NEO1: variants seen among roughly 807,000 people sequenced by gnomAD.
NEO1 encodes the protein neogenin 1.
Under a neutral mutation model 159.7 loss-of-function variants are expected in NEO1, and 63 were observed. That is an observed-to-expected ratio of 0.39 (90% CI 0.32 to 0.49). The LOEUF is 0.49. Ranked by LOEUF, NEO1 falls within the 20% of genes least tolerant of loss-of-function variation. The pLI is 0.85. For synonymous variants in NEO1, 633 were observed against 662.0 expected, an observed-to-expected ratio of 0.96 and a Z score of 0.67; for missense variants, 1,615 against 1,831.0, an observed-to-expected ratio of 0.88 and a Z score of 2.15.
chr15:73,107,225 T>C (rs905959065), intron 1 of NEO1, among the ~76,000 whole-genome samples: 5 of 152,322 alleles, frequency 3.3e-5, no homozygotes, highest in Non-Finnish European at 7.4e-5. Flanking sequence ...TGCTTTTTCT[T>C]TGTAATACAA....
intron 1 of NEO1, among the ~76,000 whole-genome samples, chr15:73,062,922 G>T (rs2068046081): frequency 6.6e-6 from 1 of 152,162 alleles, no homozygotes; most frequent in Admixed American, 6.5e-5. Flanking sequence ...AGAGATGATA[G>T]TTCAAGTCAT....
intron 7 of NEO1, among the ~76,000 whole-genome samples, chr15:73,200,187 T>A (rs990051254): frequency 1.3e-5 from 2 of 152,236 alleles, no homozygotes; most frequent in Admixed American, 6.5e-5. Context: ...TTTTTGAAGA[T>A]CTTTAATTAT....
rs2030232009 is a variant in NEO1, at chr15:73,126,319, C to T, written c.725-98C>T. 2.6e-6 allele frequency: 3 copies of T among 1,145,684 alleles called. No homozygotes were observed. In the South Asian group the frequency reaches 4.8e-5, roughly 18 times the overall value. 71.0% of individuals were successfully genotyped at this position (1,145,684 alleles called of 1,614,324 possible). A position where few individuals can be genotyped will look rare whatever the true frequency, so the allele number is the denominator to read the frequency against. ...TCCTGGGCTCAAGCAGTCCTCCCTC[C>T]TCGGCCTCCCAAAGTATCGGGATTA... On this transcript the variant is annotated intron_variant, in intron 3 of 28. Transcript: ENST00000261908.
intron 7 of NEO1, among the ~76,000 whole-genome samples, chr15:73,183,383 C>G (rs1190783915): frequency 6.6e-6 from 1 of 152,118 alleles, no homozygotes; most frequent in Non-Finnish European, 1.5e-5. Context: ...GAGGAGGAAC[C>G]CTCCTGTCCC....
intron 5 of NEO1, among the ~76,000 whole-genome samples, chr15:73,158,989 G>A (rs1596194444): frequency 6.6e-6 from 1 of 152,212 alleles, no homozygotes. Flanking sequence ...GTAGCGAGGT[G>A]TGGTAATACA....
chr15:73,180,951 CTCT>C (rs1265533733), intron 7 of NEO1, among the ~76,000 whole-genome samples: 1 of 152,062 alleles, frequency 6.6e-6, no homozygotes, highest in African/African-American at 2.4e-5. Flanking sequence ...TAGATCTGAG[CTCT>C]TCTTTTTTAG....
intron 5 of NEO1, among the ~76,000 whole-genome samples, chr15:73,136,861 A>T (rs2031816423): frequency 6.6e-6 from 1 of 151,470 alleles, no homozygotes; most frequent in Non-Finnish European, 1.5e-5. Flanking sequence ...CCCCCTCAAA[A>T]CTCCCAGATT....
At chr15:73,248,924 C>A in intron 9 of NEO1, 136 bp from the exon 10 acceptor site, 2 of 803,508 alleles carry the variant, frequency 2.5e-6, no homozygotes, top group Non-Finnish European at 3.8e-6. Flanking sequence ...ATTCTAAAAC[C>A]ACTTCAATCA....
chr15:73,151,053 C>G (rs1279941566), intron 5 of NEO1, among the ~76,000 whole-genome samples: 5 of 152,302 alleles, frequency 3.3e-5, no homozygotes, highest in Admixed American at 6.5e-5. Flanking sequence ...CATACCAGTT[C>G]ACATTCCTAC....
chr15:73,298,332 G>T lies in NEO1; in HGVS notation c.3902-16G>T, dbSNP rs765705713. 1.9e-5 allele frequency: 30 copies of T among 1,612,612 alleles called. No homozygotes were observed. Among genetic ancestry groups the T allele is most frequent in the Non-Finnish European group, 2.3e-5 (27 of 1,178,810 alleles). The stretch of plus-strand genomic sequence containing the variant: ...ATGGCAAAAGAAATGCTAACATTTA[G>T]ACTTTCCTGCTGTAGAATCCGTTCG... On this transcript the variant is annotated splice_polypyrimidine_tract_variant and intron_variant, in intron 26 of 28. Transcript: ENST00000261908.
chr15:73,244,160 A>G (rs2039629701), intron 8 of NEO1, among the ~76,000 whole-genome samples, 184 bp from the exon 9 acceptor site: 1 of 152,206 alleles, frequency 6.6e-6, no homozygotes, highest in African/African-American at 2.4e-5. Context: ...TTTGTCAGAT[A>G]CGTATGCCCT....
rs149059126 is a variant in NEO1, at chr15:73,065,580, T to C, written c.130+12775T>C. On this transcript the variant is annotated intron_variant, in intron 1 of 28. Transcript: ENST00000261908. ...TAAGAAGTCAACTGTCTTATTTTTC[T>C]TCTTTTGTGAGTAATGTGCTTACCT... 6.1e-3 allele frequency among the ~76,000 whole-genome samples: 926 copies of C among 151,298 alleles called. 12 individuals carry two copies. The highest frequency in any genetic ancestry group is 0.021 in the African/African-American group (878 of 41,498).
At chr15:73,232,891 T>G (rs2038983909) in intron 7 of NEO1, among the ~76,000 whole-genome samples, 1 of 152,160 alleles carries the variant, frequency 6.6e-6, no homozygotes, top group South Asian at 2.1e-4. Context: ...GAACAATCAC[T>G]CTAGCAGAGC....
chr15:73,249,473 G>A, intron 10 of NEO1, 110 bp from the exon 11 acceptor site: 1 of 1,199,908 alleles, frequency 8.3e-7, no homozygotes, highest in Non-Finnish European at 1.1e-6. Context: ...TATGTAGAAG[G>A]GATAAAATCT....
chr15:73,170,269 TGTAGGATAAA>T (rs1266285966), intron 5 of NEO1, among the ~76,000 whole-genome samples: 1 of 152,178 alleles, frequency 6.6e-6, no homozygotes, highest in East Asian at 1.9e-4. Context: ...AGACTATGGG[TGTAGGATAAA>T]GTAAATGAGT....
chr15:73,111,029 A>G (rs1242213894), intron 1 of NEO1, among the ~76,000 whole-genome samples: 3 of 152,204 alleles, frequency 2.0e-5, no homozygotes, highest in South Asian at 2.1e-4. Context: ...TTGTTCATAT[A>G]TATACATATA....
intron 5 of NEO1, among the ~76,000 whole-genome samples, chr15:73,141,741 A>G (rs1160594603): frequency 6.6e-6 from 1 of 152,200 alleles, no homozygotes. Flanking sequence ...ACATTAAGAC[A>G]TTGATCTCCC....
At chr15:73,104,584 A>G (rs141029233) in intron 1 of NEO1, among the ~76,000 whole-genome samples, 1 of 152,366 alleles carries the variant, frequency 6.6e-6, no homozygotes, top group East Asian at 1.9e-4. Flanking sequence ...AAAGTTTGTC[A>G]TCAAATAGCT....
In NEO1 at chr15:73,122,740, G is replaced by T. The variant is rs142363521; in HGVS notation, c.664G>T (p.Val222Leu). The T allele has an allele frequency of 9.3e-6, 15 of 1,614,064 alleles. No homozygotes were observed. Among genetic ancestry groups the T allele is most frequent in the South Asian group, 8.8e-5 (8 of 91,078 alleles). Residue 222 changes from valine (V) to leucine (L), a missense_variant, in exon 3 of 29, where the codon GTA (valine) becomes TTA (leucine). Transcript: ENST00000261908. ...AGGAGATGGCGGGCTTTATCGCTGCGTAGTGGAAAGTGGTGGGCCACCAAA... is the reference window on the plus strand; with the variant it reads ...AGGAGATGGCGGGCTTTATCGCTGCTTAGTGGAAAGTGGTGGGCCACCAAA... ...TEGDGGLYRC[V>L]VESGGPPKYS...
Sources: gnomAD v4.1 joint callset for allele counts (sites outside exome capture counted in the v4.1 genomes callset) on GRCh38, gnomAD v4.1.1 for gene constraint, MANE v1.5 for transcripts, NCBI Gene and HGNC (gene_info 2026-07-23, HGNC 2026-07-21) for gene names.